CRAMP1: variants seen among roughly 807,000 people sequenced by gnomAD.
CRAMP1 encodes cramped chromatin regulator 1, also known as protein cramped-like.
A neutral mutation model predicts 115.4 loss-of-function variants in CRAMP1; 50 were observed. The observed-to-expected ratio is 0.43, with a 90% CI of 0.35 to 0.55. The LOEUF is 0.55. CRAMP1 is among the 20% of genes least tolerant of loss of function. CRAMP1 has a pLI of 0.01. For missense variants in CRAMP1, 1,679 were observed against 1,721.7 expected (o/e 0.98, Z 0.44); for synonymous variants, 866 against 745.4 (o/e 1.16, Z -2.64).
At chr16:1,635,900 T>C (rs573910226) in intron 4 of CRAMP1, among the ~76,000 whole-genome samples, 14 of 152,322 alleles carry the variant, frequency 9.2e-5, no homozygotes, top group African/African-American at 2.9e-4. Context: ...TCACGTGCTA[T>C]GTGTCCTTCT....
At chr16:1,628,284 G>A (rs1230957188) in intron 3 of CRAMP1, among the ~76,000 whole-genome samples, 2 of 152,164 alleles carry the variant, frequency 1.3e-5, no homozygotes, top group African/African-American at 2.4e-5. Flanking sequence ...ACGGAGTTTC[G>A]CTCTTGTTGC....
chr16:1,661,676 AC>A (rs927381678), intron 11 of CRAMP1, among the ~76,000 whole-genome samples: 2 of 148,794 alleles, frequency 1.3e-5, no homozygotes, highest in African/African-American at 5.0e-5. Context: ...GCTCACTGCA[AC>A]CCCCACCTCC....
chr16:1,631,380 T>C (rs578225596), intron 3 of CRAMP1, among the ~76,000 whole-genome samples: 38 of 152,340 alleles, frequency 2.5e-4, no homozygotes, highest in South Asian at 6.2e-4. Context: ...CGCCTGCCAG[T>C]GTATTCTCGT....
chr16:1,617,963 A>G (rs1315934487), intron 2 of CRAMP1, among the ~76,000 whole-genome samples: 2 of 152,214 alleles, frequency 1.3e-5, no homozygotes, highest in Admixed American at 1.3e-4. Flanking sequence ...CCTAAACTCA[A>G]GGTAAGCTGC....
Position 1,666,593 on chromosome 16 carries a change from C to T in CRAMP1, c.3029C>T (p.Thr1010Ile), listed in dbSNP as rs1267164682. 2.5e-6 allele frequency: 4 copies of T among 1,613,762 alleles called. No homozygotes were observed. Among genetic ancestry groups the T allele is most frequent in the Non-Finnish European group, 3.4e-6 (4 of 1,179,740 alleles). ...GTHQDGDTLP[T>I]VGGSDPFVSI... Reference sequence around the variant, plus strand: ...CACCAGGATGGAGACACCCTCCCCACCGTGGGGGTGAGTATGTTTAGAAGG... The same window carrying T: ...CACCAGGATGGAGACACCCTCCCCATCGTGGGGGTGAGTATGTTTAGAAGG... Residue 1010 changes from threonine (T) to isoleucine (I), a missense_variant, in exon 16 of 21, where the codon ACC (threonine) becomes ATC (isoleucine). Thr to Ile is a moderately conservative substitution (Grantham distance 89, BLOSUM62 -1). This residue lies in a region of CRAMP1 where 709 missense variants were observed against 741.9 expected (regional missense o/e 0.96). Coordinates refer to ENST00000397412, the MANE Select transcript of CRAMP1 (RefSeq NM_020825.4). This position sits in a 1 kb window ranked among gnomAD's most constrained non-coding sequence, Gnocchi z 5.0.
At chr16:1,620,655 GC>G (rs1320476003) in intron 2 of CRAMP1, 1 of 457,008 alleles carries the variant, frequency 2.2e-6, no homozygotes, top group East Asian at 6.9e-5. Context: ...TCTTCCAAAG[GC>G]CCAGCTCTGG....
intron 3 of CRAMP1, among the ~76,000 whole-genome samples, chr16:1,631,916 G>A (rs2036550629): frequency 6.6e-6 from 1 of 152,180 alleles, no homozygotes; most frequent in Non-Finnish European, 1.5e-5. Flanking sequence ...AGCAATTAAG[G>A]CATTTGTCCA....
chr16:1,652,609 A>C (rs1333924093), intron 7 of CRAMP1, 28 bp downstream of exon 7: 3 of 1,541,070 alleles, frequency 1.9e-6, no homozygotes, highest in Non-Finnish European at 2.6e-6. Flanking sequence ...TCCCGGGACC[A>C]GAGGCGGTGC....
intron 6 of CRAMP1, among the ~76,000 whole-genome samples, chr16:1,645,669 G>A (rs954690733): frequency 7.2e-5 from 11 of 152,118 alleles, no homozygotes; most frequent in African/African-American, 2.7e-4. Flanking sequence ...AACACCCTGT[G>A]CTCTGCCTGT....
rs2036963179 is a variant in CRAMP1 at position 1,675,882 on chromosome 16, A to C, written c.*1837A>C. On this transcript the variant is annotated 3_prime_UTR_variant, in exon 21 of 21. Coordinates refer to ENST00000397412, the MANE Select transcript of CRAMP1 (RefSeq NM_020825.4). ...AGTGTTTGAACTACAGCATCTTTAC[A>C]CTAGCTTGTGTTTTGTGCTACGTAT... 1 of 152,206 alleles carries C rather than the reference A, an allele frequency of 6.6e-6. No individual in the cohort carries two copies. The highest frequency in any genetic ancestry group is 2.4e-5 in the African/African-American group (1 of 41,442). 9.4% of individuals were successfully genotyped at this position (152,206 alleles called of 1,614,324 possible). A position where few individuals can be genotyped will look rare whatever the true frequency, so the allele number is the denominator to read the frequency against.
At chr16:1,628,338 C>T (rs1177601637) in intron 3 of CRAMP1, among the ~76,000 whole-genome samples, 1 of 152,224 alleles carries the variant, frequency 6.6e-6, no homozygotes, top group Non-Finnish European at 1.5e-5. Context: ...AATGCAGCCT[C>T]CACCTCCTGG....
In CRAMP1 at chr16:1,675,914, TTCCAAAATTAGCATC is replaced by T. The variant is rs2036963482; in HGVS notation, c.*1872_*1886del. On this transcript the variant is annotated 3_prime_UTR_variant, in exon 21 of 21. Coordinates refer to ENST00000397412, the MANE Select transcript of CRAMP1 (RefSeq NM_020825.4). ...TGTGTTTTGTGCTACGTATACCAGC[TTCCAAAATTAGCATC>T]TCATTGAGCCAGAGAAGACAAGGAG... The T allele has an allele frequency of 6.6e-6, 1 of 152,262 alleles. No homozygotes were observed. 9.4% of individuals were successfully genotyped at this position (152,262 alleles called of 1,614,324 possible).
In CRAMP1 at chr16:1,615,694, T is replaced by G. The variant is rs1381692720; in HGVS notation, c.346+709T>G. On this transcript the variant is annotated intron_variant, in intron 2 of 20. Transcript: ENST00000397412. ...ATAGTAAGAAAACGGCATGTTAGTT[T>G]CGTTCTCCATGTGCCAGTGCTTCAT... 2.0e-5 allele frequency among the ~76,000 whole-genome samples: 3 copies of G among 152,248 alleles called. 1 individual carries two copies. The highest frequency in any genetic ancestry group is 1.9e-4 in the East Asian group (1 of 5,198).
intron 6 of CRAMP1, among the ~76,000 whole-genome samples, chr16:1,648,454 A>C (rs1387454932): frequency 6.6e-6 from 1 of 151,958 alleles, no homozygotes; most frequent in East Asian, 1.9e-4. Context: ...AAATACAAAA[A>C]ATTAGCCAGG....
chr16:1,621,482 A>G (rs1320774868), intron 2 of CRAMP1, among the ~76,000 whole-genome samples: 1 of 152,228 alleles, frequency 6.6e-6, no homozygotes, highest in Non-Finnish European at 1.5e-5. Flanking sequence ...AGCAGGTGGC[A>G]GTGTGGCCTC....
At chr16:1,647,692 T>G (rs1039408745) in intron 6 of CRAMP1, among the ~76,000 whole-genome samples, 10 of 141,856 alleles carry the variant, frequency 7.0e-5, no homozygotes, top group African/African-American at 2.7e-4. Flanking sequence ...GAGGTTTTAG[T>G]GAGCTGAGAT....
chr16:1,645,437 CT>C, intron 6 of CRAMP1: 2 of 182,138 alleles, frequency 1.1e-5, no homozygotes, highest in South Asian at 7.7e-5. Context: ...ATCCTCCCAC[CT>C]TGGCCTCCCA....
intron 3 of CRAMP1, among the ~76,000 whole-genome samples, chr16:1,627,668 T>C (rs2036518264): frequency 6.6e-6 from 1 of 152,216 alleles, no homozygotes. Context: ...GGCTTGATTC[T>C]GATTGTCCAA....
intron 14 of CRAMP1, chr16:1,665,821 T>C (rs2142206371): frequency 1.9e-6 from 1 of 513,064 alleles, no homozygotes; most frequent in South Asian, 2.5e-5. Flanking sequence ...TTCCGCAGGA[T>C]GACAGTGGTG....
Sources: allele counts gnomAD v4.1 joint callset (sites outside exome capture counted in the v4.1 genomes callset), GRCh38; gene constraint gnomAD v4.1.1; regional missense constraint gnomAD v4.1.1; non-coding constraint Gnocchi (gnomAD v3.1); transcripts MANE v1.5; gene names NCBI Gene and HGNC (gene_info 2026-07-23, HGNC 2026-07-21).